Variants in AGMO observed in about 807,000 individuals in gnomAD.
AGMO encodes the protein glyceryl-ether monooxygenase.
AGMO carries 75 observed loss-of-function variants against 60.2 expected under a neutral mutation model. The ratio of observed to expected loss-of-function variants is 1.25; its 90% CI spans 1.03 to 1.51. The LOEUF is 1.51. Among genes scored for constraint, AGMO ranks in the 40% most tolerant of loss-of-function variants. AGMO has a pLI of 0.00. For missense variants in AGMO, 763 were observed against 525.5 expected, an observed-to-expected ratio of 1.45 and a Z score of -4.42; for synonymous variants, 261 against 177.1, an observed-to-expected ratio of 1.47 and a Z score of -3.76.
At chr7:15,236,902 C>T (rs78742880) in intron 12 of AGMO, among the ~76,000 whole-genome samples, 2 of 151,508 alleles carry the variant, frequency 1.3e-5, no homozygotes, top group Non-Finnish European at 2.9e-5. Context: ...TAAGAAACGG[C>T]CATCTAAGAA....
chr7:15,430,621 GGT>G (rs1491269751), intron 4 of AGMO, among the ~76,000 whole-genome samples: 11 of 106,762 alleles, frequency 1.0e-4, no homozygotes, highest in African/African-American at 4.0e-4. Flanking sequence ...AAAAACAACT[GGT>G]TTTTTTTAAA....
intron 3 of AGMO, among the ~76,000 whole-genome samples, chr7:15,436,766 C>T (rs1217255705): frequency 6.6e-6 from 1 of 152,062 alleles, no homozygotes; most frequent in East Asian, 1.9e-4. Context: ...TTGTTTTAAT[C>T]CTTCAGAAAT....
chr7:15,357,112 G>GA (rs1315267852), intron 12 of AGMO, among the ~76,000 whole-genome samples: 163 of 133,406 alleles, frequency 1.2e-3, no homozygotes, highest in Admixed American at 1.9e-3. Context: ...TCTGTCTCAT[G>GA]AAAAAAAAAA....
intron 5 of AGMO, among the ~76,000 whole-genome samples, chr7:15,417,152 A>C (rs6963836): frequency 0.71 from 108,328 of 152,116 alleles, 39,066 homozygotes; most frequent in Middle Eastern, 0.81. Context: ...TCCCATGCAG[A>C]TCAACTGTAG....
At chr7:15,260,485 G>A (rs1032164365) in intron 12 of AGMO, among the ~76,000 whole-genome samples, 1 of 152,010 alleles carries the variant, frequency 6.6e-6, no homozygotes, top group Non-Finnish European at 1.5e-5. Context: ...AAATATATAT[G>A]CACTTAACAC....
Position 15,365,633 on chromosome 7 carries a change from T to A in AGMO, c.1158-14A>T, listed in dbSNP as rs770446109. The A allele has an allele frequency of 1.3e-6, 2 of 1,564,754 alleles. No homozygotes were observed. The highest frequency in any genetic ancestry group is 1.8e-6 in the Non-Finnish European group (2 of 1,136,086). On this transcript the variant is annotated splice_polypyrimidine_tract_variant and intron_variant, in intron 11 of 12. Coordinates refer to ENST00000342526, the MANE Select transcript of AGMO (RefSeq NM_001004320.2). ...GCTGCCTTGGGTCTGAAATAAAATGTCATTAACATGCATTAGCTTTAAATA... is the reference window on the plus strand; with the variant it reads ...GCTGCCTTGGGTCTGAAATAAAATGACATTAACATGCATTAGCTTTAAATA...
chr7:15,259,899 CAAAAAA>C (rs71549927), intron 12 of AGMO, among the ~76,000 whole-genome samples: 1 of 9,396 alleles, frequency 1.1e-4, no homozygotes, highest in Non-Finnish European at 1.7e-4. Context: ...ACAAGAACTG[CAAAAAA>C]AAAAAAAAAA....
intron 3 of AGMO, among the ~76,000 whole-genome samples, chr7:15,496,308 T>C (rs1014973972): frequency 2.6e-5 from 4 of 152,186 alleles, no homozygotes; most frequent in African/African-American, 9.7e-5. Flanking sequence ...TGATTGGCTT[T>C]GTGCATCAGG....
chr7:15,138,331 G>A, the AGMO span, among the ~76,000 whole-genome samples: 2 of 152,094 alleles, frequency 1.3e-5, no homozygotes, highest in Non-Finnish European at 2.9e-5. Context: ...TACGTCTCAC[G>A]ACTTTACTCT....
intron 3 of AGMO, among the ~76,000 whole-genome samples, chr7:15,532,433 T>C (rs1362447218): frequency 6.6e-6 from 1 of 152,190 alleles, no homozygotes; most frequent in Non-Finnish European, 1.5e-5. Context: ...GGTTTCCTCT[T>C]TTGTCAAAGA....
chr7:15,366,318 C>A, intron 10 of AGMO, 96 bp from the exon 11 acceptor site: 2 of 751,056 alleles, frequency 2.7e-6, no homozygotes, highest in South Asian at 1.9e-5. Flanking sequence ...AATTTTATGT[C>A]CTGTTGCACC....
intron 12 of AGMO, among the ~76,000 whole-genome samples, chr7:15,339,986 T>C (rs572972999): frequency 2.8e-4 from 43 of 152,290 alleles, no homozygotes; most frequent in Non-Finnish European, 7.4e-5. Context: ...GAGGCATAGA[T>C]GGAAGGAGCA....
chr7:15,489,362 T>C (rs926774812), intron 3 of AGMO, among the ~76,000 whole-genome samples: 1 of 152,162 alleles, frequency 6.6e-6, no homozygotes, highest in Non-Finnish European at 1.5e-5. Flanking sequence ...AAAATGTTAT[T>C]AGAAGCAGGA....
At position 15,265,518 on chromosome 7, in the gene AGMO, A is replaced by T. The variant is rs1309089447; in HGVS notation, c.1264-64159T>A. ...TATATTATTAAAAGCAAAATTTATAAGCAGATCAAAAGATATTCAAAATAA... is the reference window on the plus strand; with the variant it reads ...TATATTATTAAAAGCAAAATTTATATGCAGATCAAAAGATATTCAAAATAA... On this transcript the variant is annotated intron_variant, in intron 12 of 12. Transcript: ENST00000342526. 2.0e-5 allele frequency among the ~76,000 whole-genome samples: 3 copies of T among 152,214 alleles called. No homozygotes were observed. In the South Asian group the frequency reaches 6.2e-4, roughly 32 times the overall value.
At chr7:15,520,655 A>T (rs1003060831) in intron 3 of AGMO, among the ~76,000 whole-genome samples, 1 of 152,232 alleles carries the variant, frequency 6.6e-6, no homozygotes, top group Non-Finnish European at 1.5e-5. Flanking sequence ...ACCAGTGAGA[A>T]CAAAGACACA....
intron 12 of AGMO, among the ~76,000 whole-genome samples, chr7:15,249,416 A>G (rs1782864447): frequency 6.6e-6 from 1 of 152,198 alleles, no homozygotes; most frequent in South Asian, 2.1e-4. Context: ...AAAGATTAAA[A>G]TACCTATAGA....
chr7:15,341,016 C>T (rs772633756), intron 12 of AGMO, among the ~76,000 whole-genome samples: 3 of 152,070 alleles, frequency 2.0e-5, no homozygotes, highest in Non-Finnish European at 4.4e-5. Context: ...TGGAGCTGCC[C>T]AAGACCACGG....
intron 12 of AGMO, among the ~76,000 whole-genome samples, chr7:15,266,340 T>C (rs1447733456): frequency 6.6e-6 from 1 of 151,940 alleles, no homozygotes; most frequent in Non-Finnish European, 1.5e-5. Flanking sequence ...CTCATTGAAA[T>C]AAACAAAAAT....
chr7:15,146,627 A>G, the AGMO span, among the ~76,000 whole-genome samples: 1 of 152,192 alleles, frequency 6.6e-6, no homozygotes, highest in Admixed American at 6.5e-5. Flanking sequence ...ACTAAAACCA[A>G]CAAGCATTCT....
Sources: gnomAD v4.1 joint callset for allele counts (sites outside exome capture counted in the v4.1 genomes callset) on GRCh38, gnomAD v4.1.1 for gene constraint, MANE v1.5 for transcripts, NCBI Gene and HGNC (gene_info 2026-07-23, HGNC 2026-07-21) for gene names.